TMEM263: variants seen among roughly 807,000 people sequenced by gnomAD.
TMEM263 encodes the protein UPF0444 transmembrane protein C12orf23.
A neutral mutation model predicts 8.6 loss-of-function variants in TMEM263; 5 were observed. The observed-to-expected ratio is 0.58, with a 90% confidence interval of 0.31 to 1.23. TMEM263 has a LOEUF of 1.23. TMEM263 is among the 50% of genes most tolerant of loss of function. The pLI is 0.07. For synonymous variants in TMEM263, 50 were observed against 47.9 expected (o/e 1.04, Z -0.18); for missense variants, 104 against 138.8 (o/e 0.75, Z 1.26).
rs531998931 is a variant in TMEM263, at chr12:106,957,576, CT to C, written c.-7+430del. On this transcript the variant is annotated intron_variant, in intron 2 of 3. Coordinates refer to ENST00000280756, the MANE Select transcript of TMEM263 (RefSeq NM_152261.4). ...TATATAAACATCTTGAGAATAAGAC[CT>C]TTGTATGCTTGTTCACAAGGATGCC... Among the ~76,000 whole-genome samples the C allele has an allele frequency of 1.2e-4, 18 of 152,044 alleles. No homozygotes were observed. The South Asian group carries it at 3.5e-3, about 30-fold the overall frequency.
At chr12:106,957,749 T>C (rs750412366) in intron 2 of TMEM263, among the ~76,000 whole-genome samples, 1 of 152,204 alleles carries the variant, frequency 6.6e-6, no homozygotes, top group Admixed American at 6.5e-5. Flanking sequence ...AAAATTGCCA[T>C]TTTGACACTG....
intron 2 of TMEM263, among the ~76,000 whole-genome samples, chr12:106,963,059 G>C (rs1951800425): frequency 6.6e-6 from 1 of 152,142 alleles, no homozygotes. Flanking sequence ...TCTGATAAGG[G>C]GACATTTGCA....
intron 3 of TMEM263, 81 bp from the exon 4 acceptor site, chr12:106,971,024 T>G (rs1320084209): frequency 6.9e-7 from 1 of 1,451,810 alleles, no homozygotes; most frequent in East Asian, 2.3e-5. Flanking sequence ...GAGGAAGTCT[T>G]AGGTTACTTA....
At chr12:106,961,022 C>T (rs919886779) in intron 2 of TMEM263, among the ~76,000 whole-genome samples, 12 of 147,868 alleles carry the variant, frequency 8.1e-5, no homozygotes, top group Admixed American at 4.0e-4. Context: ...CTTCTTTTCT[C>T]CTCTCTTCTC....
chr12:106,971,245 A>G lies in TMEM263; in HGVS notation c.205A>G (p.Lys69Glu). The stretch of plus-strand genomic sequence containing the variant: ...TGGTGGAAAGAGTCTGGAAGTGACC[A>G]AAACAGCTGTTACAACTGTGCCTTC... ...WIGGKSLEVTKTAVTTVPSMG... is the reference protein window; with the variant it reads ...WIGGKSLEVTETAVTTVPSMG... The change falls in exon 4 of 4, where the codon AAA becomes GAA. Residue 69 changes from lysine to glutamate, a missense_variant. Transcript: ENST00000280756. 1 of 1,614,214 alleles carries G rather than the reference A, an allele frequency of 6.2e-7. No individual in the cohort carries two copies. The highest frequency in any genetic ancestry group is 2.2e-5 in the East Asian group (1 of 44,888).
intron 2 of TMEM263, among the ~76,000 whole-genome samples, chr12:106,960,392 C>G (rs1411628203): frequency 6.6e-6 from 1 of 151,360 alleles, no homozygotes; most frequent in Non-Finnish European, 1.5e-5. Flanking sequence ...TTAGGACTTT[C>G]AAGTCTTTCT....
In TMEM263 at chr12:106,972,458, T is replaced by A. The variant is rs1951935822; in HGVS notation, c.*1067T>A. ...CCACAAATATGTGAGGACTTACTAT[T>A]TTAAATGGAATGGAATGAGCTCCAT... On this transcript the variant is annotated 3_prime_UTR_variant, in exon 4 of 4. Transcript: ENST00000280756. 1 of 152,166 alleles carries A rather than the reference T, an allele frequency of 6.6e-6. No individual in the cohort carries two copies. Among genetic ancestry groups the A allele is most frequent in the Admixed American group, 6.5e-5 (1 of 15,276 alleles). The allele number at this position is 152,166 out of a possible 1,614,324, so 9.4% of individuals were successfully genotyped here.
At chr12:106,956,971 A>C in intron 1 of TMEM263, 111 bp from the exon 2 acceptor site, 3 of 597,072 alleles carry the variant, frequency 5.0e-6, no homozygotes, top group Non-Finnish European at 4.2e-6. Context: ...AGAAACACCT[A>C]GAGAAAAGGG....
chr12:106,969,677 G>A (rs1252499922), intron 3 of TMEM263, among the ~76,000 whole-genome samples: 1 of 148,552 alleles, frequency 6.7e-6, no homozygotes. Flanking sequence ...AGTGAGCCAA[G>A]ATCACGCCAC....
rs111941147 is a variant in TMEM263 at position 106,958,206 on chromosome 12, T to C, written c.-7+1057T>C. ...CAATAAACTTGTGCACTGTATTTTGTAGTTAAGCTTTATATAACGTGTTAG... is the reference window on the plus strand; with the variant it reads ...CAATAAACTTGTGCACTGTATTTTGCAGTTAAGCTTTATATAACGTGTTAG... On this transcript the variant is annotated intron_variant, in intron 2 of 3. Coordinates refer to ENST00000280756, the MANE Select transcript of TMEM263 (RefSeq NM_152261.4). Among the ~76,000 whole-genome samples, 4 of 152,332 alleles carry C rather than the reference T, an allele frequency of 2.6e-5. 1 individual carries two copies. The highest frequency in any genetic ancestry group is 9.6e-5 in the African/African-American group (4 of 41,582).
chr12:106,972,730 A>C lies in TMEM263; in HGVS notation c.*1339A>C, dbSNP rs1301423659. 6.6e-6 allele frequency: 1 copy of C among 152,104 alleles called. No individual in the cohort carries two copies. The highest frequency in any genetic ancestry group is 1.5e-5 in the Non-Finnish European group (1 of 67,982). The allele number at this position is 152,104 out of a possible 1,614,324, so 9.4% of individuals were successfully genotyped here. ...TTCATTTTCTTTTCGTTTCATGTTT[A>C]ATTTCATAAAACGTTTAACAATTGG... On this transcript the variant is annotated 3_prime_UTR_variant, in exon 4 of 4. Transcript: ENST00000280756.
chr12:106,962,217 A>AC (rs201575974), intron 2 of TMEM263, among the ~76,000 whole-genome samples: 1,747 of 144,854 alleles, frequency 0.012, 14 homozygotes, highest in African/African-American at 0.026. Flanking sequence ...TGTATTTCTA[A>AC]CCCCCCCCGC....
chr12:106,967,530 G>T, intron 3 of TMEM263: 1 of 174,262 alleles, frequency 5.7e-6, no homozygotes, highest in Non-Finnish European at 1.2e-5. Context: ...CAAAGTGCTG[G>T]GATTATAGGC....
chr12:106,963,166 G>C (rs1951801539), intron 2 of TMEM263, among the ~76,000 whole-genome samples: 1 of 152,226 alleles, frequency 6.6e-6, no homozygotes, highest in South Asian at 2.1e-4. Context: ...ACAAGAGGTA[G>C]AATAGTGGAG....
intron 3 of TMEM263, 98 bp from the exon 4 acceptor site, chr12:106,971,007 C>A: frequency 7.8e-7 from 1 of 1,280,944 alleles, no homozygotes. Context: ...AATCAACCTC[C>A]TGTTGTGAGG....
chr12:106,957,792 A>AGTGT (rs1261396285), intron 2 of TMEM263, among the ~76,000 whole-genome samples: 19 of 152,196 alleles, frequency 1.2e-4, no homozygotes, highest in African/African-American at 4.3e-4. Context: ...GGCACTTACA[A>AGTGT]GTTTTACTGG....
chr12:106,957,143 CCAA>C lies in TMEM263; in HGVS notation c.-10_-8del. ...GTTCCCCAGGAATATCGATACAACA[CCAA>C]CAGGTAAACGCGCGCGCCCGTGTGT... is the stretch of plus-strand genomic sequence containing the variant. On this transcript the variant is annotated 5_prime_UTR_variant, in exon 2 of 4. Transcript: ENST00000280756. The C allele has an allele frequency of 1.0e-6, 1 of 984,216 alleles. No individual in the cohort carries two copies. The highest frequency in any genetic ancestry group is 1.8e-5 in the African/African-American group (1 of 55,710). 61.0% of individuals were successfully genotyped at this position (984,216 alleles called of 1,614,324 possible).
At chr12:106,965,640 A>G (rs1951833809) in intron 2 of TMEM263, among the ~76,000 whole-genome samples, 1 of 151,522 alleles carries the variant, frequency 6.6e-6, no homozygotes, top group Non-Finnish European at 1.5e-5. Context: ...AAAATAAAGT[A>G]TCACACCCTC....
intron 2 of TMEM263, among the ~76,000 whole-genome samples, chr12:106,961,116 A>G (rs1221168283): frequency 2.0e-5 from 3 of 151,602 alleles, no homozygotes; most frequent in African/African-American, 7.3e-5. Context: ...GTGCAATGGC[A>G]TGATCATGGC....
Sources: allele counts gnomAD v4.1 joint callset (sites outside exome capture counted in the v4.1 genomes callset), GRCh38; gene constraint gnomAD v4.1.1; transcripts MANE v1.5; gene names NCBI Gene and HGNC (gene_info 2026-07-23, HGNC 2026-07-21).